IQCM: variants seen among roughly 807,000 people sequenced by gnomAD.
The protein encoded by IQCM is IQ domain-containing protein M.
In IQCM, 45 loss-of-function variants were observed where a neutral mutation model predicts 57.6. That is an observed-to-expected ratio of 0.78 (90% CI 0.62 to 1.00). The LOEUF is 1.00. IQCM is among the 50% of genes least tolerant of loss of function. The probability of loss-of-function intolerance (pLI) is 0.00; values close to 1 mark genes in which losing one functional copy is unlikely to be tolerated. For synonymous variants in IQCM, 148 were observed against 158.9 expected (o/e 0.93, Z 0.51); for missense variants, 468 against 511.6 (o/e 0.91, Z 0.82).
At chr4:149,443,562 C>T (rs918905319) in intron 12 of IQCM, among the ~76,000 whole-genome samples, 4 of 151,704 alleles carry the variant, frequency 2.6e-5, no homozygotes, top group African/African-American at 9.7e-5. Flanking sequence ...GCACCTACAA[C>T]CTCTTCTTGG....
chr4:149,742,725 T>G lies in IQCM; in HGVS notation c.-34A>C, dbSNP rs916687522. On this transcript the variant is annotated 5_prime_UTR_variant, in exon 3 of 14. Coordinates refer to ENST00000636793, the MANE Select transcript of IQCM (RefSeq NM_001363507.2). Reference sequence around the variant, plus strand: ...GTTAGAATGATCTTCTTTTTTAAAGTGTGAGCTCCAAGTCCTTAAACACAG... The same window carrying G: ...GTTAGAATGATCTTCTTTTTTAAAGGGTGAGCTCCAAGTCCTTAAACACAG... The G allele has an allele frequency of 1.6e-6, 2 of 1,224,712 alleles. No individual in the cohort carries two copies. The highest frequency in any genetic ancestry group is 8.4e-5 in the Admixed American group (2 of 23,672). 75.9% of individuals were successfully genotyped at this position (1,224,712 alleles called of 1,614,324 possible).
In IQCM at chr4:149,563,787, T is replaced by C; in HGVS notation, c.853A>G (p.Met285Val). Residue 285 changes from methionine (M) to valine (V), a missense_variant, in exon 10 of 14, where the codon ATG (methionine) becomes GTG (valine). Met to Val is a conservative substitution (Grantham distance 21, BLOSUM62 1). Coordinates refer to ENST00000636793, the MANE Select transcript of IQCM (RefSeq NM_001363507.2). ...FQVFRERKKF[M>V]ITPKLIRMVT... ...ATTCTAATCAATTTTGGGGTAATCA[T>C]GAATTTTTTTCTTTCTCGGAACACT... 3 of 1,232,058 alleles carry C rather than the reference T, an allele frequency of 2.4e-6. No homozygotes were observed. The highest frequency in any genetic ancestry group is 3.0e-6 in the Non-Finnish European group (3 of 987,914). 76.3% of individuals were successfully genotyped at this position (1,232,058 alleles called of 1,614,324 possible). A position where few individuals can be genotyped will look rare whatever the true frequency, so the allele number is the denominator to read the frequency against.
chr4:149,469,764 C>T (rs1579166270), intron 12 of IQCM, among the ~76,000 whole-genome samples: 1 of 152,208 alleles, frequency 6.6e-6, no homozygotes, highest in Non-Finnish European at 1.5e-5. Context: ...ATCAGACTAA[C>T]AGCGGATCTC....
At chr4:149,420,167 A>G in intron 13 of IQCM, among the ~76,000 whole-genome samples, 1 of 152,150 alleles carries the variant, frequency 6.6e-6, no homozygotes. Context: ...AATATAAATC[A>G]TTCTATTATA....
At chr4:149,410,637 T>C (rs879171817) in intron 13 of IQCM, among the ~76,000 whole-genome samples, 7 of 151,938 alleles carry the variant, frequency 4.6e-5, no homozygotes, top group African/African-American at 1.7e-4. Flanking sequence ...TGTCACACTT[T>C]TTTTTTTAAC....
At chr4:149,791,361 G>A (rs1055037612) in intron 2 of IQCM, among the ~76,000 whole-genome samples, 14 of 152,174 alleles carry the variant, frequency 9.2e-5, no homozygotes, top group South Asian at 8.3e-4. Context: ...CATATGTTGT[G>A]CAATGATCAA....
chr4:149,672,538 T>G (rs1227982295), intron 7 of IQCM, among the ~76,000 whole-genome samples: 1 of 151,898 alleles, frequency 6.6e-6, no homozygotes, highest in Non-Finnish European at 1.5e-5. Flanking sequence ...TGATTGAAGA[T>G]CAAATGAGTG....
chr4:149,651,683 G>A (rs1759195769), intron 7 of IQCM, among the ~76,000 whole-genome samples: 1 of 152,142 alleles, frequency 6.6e-6, no homozygotes, highest in Non-Finnish European at 1.5e-5. Context: ...AAAGAAAAAT[G>A]TTGCTGAGGA....
intron 13 of IQCM, among the ~76,000 whole-genome samples, chr4:149,428,369 T>C (rs1339011178): frequency 2.0e-5 from 3 of 151,832 alleles, no homozygotes; most frequent in Non-Finnish European, 2.9e-5. Flanking sequence ...TGGATTATCA[T>C]GTTGTATTCT....
At chr4:149,446,222 T>C (rs1736491640) in intron 12 of IQCM, among the ~76,000 whole-genome samples, 1 of 151,772 alleles carries the variant, frequency 6.6e-6, no homozygotes, top group East Asian at 1.9e-4. Flanking sequence ...CTCTCTCATT[T>C]GGTGACTCTT....
At chr4:149,595,138 C>T (rs1753641595) in intron 8 of IQCM, among the ~76,000 whole-genome samples, 2 of 152,074 alleles carry the variant, frequency 1.3e-5, no homozygotes, top group Admixed American at 1.3e-4. Context: ...TCTGGGTGCT[C>T]TTGTATTGGA....
At chr4:149,376,683 G>T (rs570350720) in intron 13 of IQCM, among the ~76,000 whole-genome samples, 1 of 152,212 alleles carries the variant, frequency 6.6e-6, no homozygotes, top group South Asian at 2.1e-4. Flanking sequence ...CATGAAACCA[G>T]ATTAATATTT....
At position 149,682,153 on chromosome 4, in the gene IQCM, G is replaced by T; in HGVS notation, c.530C>A (p.Pro177His). 8.2e-7 allele frequency: 1 copy of T among 1,225,456 alleles called. No individual in the cohort carries two copies. The highest frequency in any genetic ancestry group is 1.0e-6 in the Non-Finnish European group (1 of 982,424). 75.9% of individuals were successfully genotyped at this position (1,225,456 alleles called of 1,614,324 possible). A position where few individuals can be genotyped will look rare whatever the true frequency, so the allele number is the denominator to read the frequency against. Residue 177 changes from proline (P) to histidine (H), a missense_variant, in exon 7 of 14, where the codon CCT becomes CAT. Pro to His is a moderately conservative substitution (Grantham distance 77, BLOSUM62 -2). Coordinates refer to ENST00000636793, the MANE Select transcript of IQCM (RefSeq NM_001363507.2). ...CAGAAGTTCCAAGTTAGAGGTCCCA[G>T]GTTGTAAGTAAAGATGGACAGGAAA... is the stretch of plus-strand genomic sequence containing the variant. ...YPFPVHLYLQ[P>H]GTSNLELLKE...
chr4:149,782,710 T>C (rs1771724720), intron 2 of IQCM, among the ~76,000 whole-genome samples: 1 of 150,594 alleles, frequency 6.6e-6, no homozygotes, highest in Non-Finnish European at 1.5e-5. Context: ...TATCAACCAC[T>C]GTGAATCTAA....
chr4:149,537,468 G>C (rs1411840564), intron 12 of IQCM, among the ~76,000 whole-genome samples: 2 of 151,978 alleles, frequency 1.3e-5, no homozygotes, highest in Non-Finnish European at 1.5e-5. Flanking sequence ...CCAGAGACTT[G>C]TGGGAAAACT....
At chr4:149,435,861 TA>T (rs1263272656) in intron 12 of IQCM, among the ~76,000 whole-genome samples, 5 of 152,120 alleles carry the variant, frequency 3.3e-5, no homozygotes, top group East Asian at 3.9e-4. Flanking sequence ...ACAAAGAATA[TA>T]TTTTTTTACA....
intron 7 of IQCM, among the ~76,000 whole-genome samples, chr4:149,678,683 A>G (rs1761950340): frequency 6.6e-6 from 1 of 151,720 alleles, no homozygotes; most frequent in Admixed American, 6.6e-5. Flanking sequence ...TAAATCTAGT[A>G]TGAAGTCCTA....
intron 7 of IQCM, among the ~76,000 whole-genome samples, chr4:149,667,024 C>T (rs111742697): frequency 0.21 from 31,814 of 152,080 alleles, 4,188 homozygotes; most frequent in Non-Finnish European, 0.28. Context: ...AACGTCCCTG[C>T]CTGCCAGCTC....
At chr4:149,810,606 C>T (rs912821451) in intron 2 of IQCM, among the ~76,000 whole-genome samples, 12 of 151,742 alleles carry the variant, frequency 7.9e-5, no homozygotes, top group African/African-American at 2.4e-4. Context: ...CGTGCCACCA[C>T]GCCCGGCTAA....
Sources: allele counts gnomAD v4.1 joint callset (sites outside exome capture counted in the v4.1 genomes callset), GRCh38; gene constraint gnomAD v4.1.1; transcripts MANE v1.5; gene names NCBI Gene and HGNC (gene_info 2026-07-23, HGNC 2026-07-21).